PPARG: variants seen among roughly 807,000 people sequenced by gnomAD.
The protein encoded by PPARG is peroxisome proliferator-activated receptor gamma.
PPARG carries 17 observed loss-of-function variants against 39.2 expected under a neutral mutation model. That is an observed-to-expected ratio of 0.43 (90% confidence interval 0.30 to 0.65). The LOEUF (loss-of-function observed/expected upper bound fraction) is 0.65, where lower values mean the gene tolerates loss of function less well. Among genes scored for constraint, PPARG ranks in the 30% least tolerant of loss-of-function variants. The pLI is 0.13. For synonymous variants in PPARG, 223 were observed against 215.7 expected (o/e 1.03, Z -0.30); for missense variants, 406 against 585.9 (o/e 0.69, Z 3.17).
In PPARG at chr3:12,379,795, C is replaced by T; in HGVS notation, c.84C>T (p.His28=). ...VDLSVMEDHS[H]SFDIKPFTTV... ...TCTCCGTAATGGAAGACCACTCCCA[C>T]TCCTTTGATATCAAGCCCTTCACTA... Residue 28 remains histidine (H), a synonymous_variant, in exon 3 of 8, where the codon CAC becomes CAT. Transcript: ENST00000651735. 6.2e-7 allele frequency: 1 copy of T among 1,614,038 alleles called. No homozygotes were observed. Among genetic ancestry groups the T allele is most frequent in the Non-Finnish European group, 8.5e-7 (1 of 1,179,936 alleles).
intron 4 of PPARG, among the ~76,000 whole-genome samples, chr3:12,383,732 T>G (rs1356916302): frequency 6.6e-6 from 1 of 152,100 alleles, no homozygotes; most frequent in Non-Finnish European, 1.5e-5. Context: ...AAGCTAACAT[T>G]ACTGAAAACA....
chr3:12,297,276 T>G (rs2046810732), intron 1 of PPARG, among the ~76,000 whole-genome samples: 1 of 152,168 alleles, frequency 6.6e-6, no homozygotes, highest in African/African-American at 2.4e-5. Context: ...ATAAAAAATG[T>G]GTGTGAACTA....
At chr3:12,414,856 C>G (rs1295894485) in intron 6 of PPARG, among the ~76,000 whole-genome samples, 2 of 152,130 alleles carry the variant, frequency 1.3e-5, no homozygotes, top group African/African-American at 4.8e-5. Context: ...CTAAGTAGTA[C>G]AGTTGAAGTG....
intron 7 of PPARG, among the ~76,000 whole-genome samples, chr3:12,426,660 A>G (rs2051459019): frequency 6.6e-6 from 1 of 152,208 alleles, no homozygotes; most frequent in South Asian, 2.1e-4. Context: ...AGAGGAAAAG[A>G]AAGGTAAGAA....
At chr3:12,395,705 G>A (rs2050233732) in intron 5 of PPARG, among the ~76,000 whole-genome samples, 1 of 152,134 alleles carries the variant, frequency 6.6e-6, no homozygotes, top group African/African-American at 2.4e-5. Flanking sequence ...ATAAACACAC[G>A]TTCTTAATTA....
At chr3:12,338,742 A>G (rs994214389) in intron 2 of PPARG, among the ~76,000 whole-genome samples, 2 of 152,208 alleles carry the variant, frequency 1.3e-5, no homozygotes, top group Middle Eastern at 3.4e-3. Context: ...ATTCCTTTCT[A>G]CAGTATTACT....
intron 5 of PPARG, among the ~76,000 whole-genome samples, chr3:12,393,190 ATTTTTTTTTTTTTT>A (rs143287325): frequency 9.0e-6 from 1 of 111,542 alleles, no homozygotes; most frequent in African/African-American, 3.5e-5. Context: ...GATTCATTTA[ATTTTTTTTTTTTTT>A]TTTTTTTTTT....
intron 2 of PPARG, among the ~76,000 whole-genome samples, chr3:12,320,208 G>A (rs1166665586): frequency 1.3e-5 from 2 of 152,134 alleles, no homozygotes; most frequent in African/African-American, 2.4e-5. Context: ...GGACATTTAT[G>A]TATATATACG....
intron 5 of PPARG, among the ~76,000 whole-genome samples, chr3:12,403,090 C>T (rs1196273403): frequency 2.6e-5 from 4 of 151,976 alleles, no homozygotes; most frequent in African/African-American, 7.2e-5. Context: ...CCCAGGAGTT[C>T]GAGACCAGCC....
intron 7 of PPARG, among the ~76,000 whole-genome samples, chr3:12,432,810 A>G (rs2051705912): frequency 6.6e-6 from 1 of 152,236 alleles, no homozygotes; most frequent in Non-Finnish European, 1.5e-5. Context: ...TACTAAAATC[A>G]ATTAGTTTTC....
intron 2 of PPARG, among the ~76,000 whole-genome samples, chr3:12,360,391 C>T (rs2048804699): frequency 6.6e-6 from 1 of 152,070 alleles, no homozygotes; most frequent in South Asian, 2.1e-4. Context: ...TTTAACACAA[C>T]TGGAAGAGTT....
At chr3:12,378,413 G>A (rs575626682) in intron 2 of PPARG, among the ~76,000 whole-genome samples, 49 of 152,020 alleles carry the variant, frequency 3.2e-4, no homozygotes, top group African/African-American at 1.0e-3. Flanking sequence ...GTATATATCT[G>A]TATATATATA....
chr3:12,287,944 A>G (rs2124908336), upstream of PPARG: 2 of 145,534 alleles, frequency 1.4e-5, no homozygotes, highest in East Asian at 2.1e-4. Context: ...CCCGAGCCCG[A>G]GCCGCAGCCG....
At chr3:12,403,163 C>T (rs2050536758) in intron 5 of PPARG, among the ~76,000 whole-genome samples, 1 of 151,506 alleles carries the variant, frequency 6.6e-6, no homozygotes, top group Non-Finnish European at 1.5e-5. Flanking sequence ...CGTGGTGGCA[C>T]ACACCTGTAG....
intron 2 of PPARG, among the ~76,000 whole-genome samples, chr3:12,313,053 G>T (rs906995349): frequency 2.0e-5 from 3 of 152,130 alleles, no homozygotes; most frequent in African/African-American, 7.2e-5. Context: ...TAACTATAGG[G>T]TTCCAAGACA....
chr3:12,352,452 C>A (rs564871689), intron 2 of PPARG, among the ~76,000 whole-genome samples: 2 of 152,166 alleles, frequency 1.3e-5, no homozygotes, highest in Non-Finnish European at 2.9e-5. Flanking sequence ...ATAAGTTCTC[C>A]ATTTCTATAG....
intron 7 of PPARG, among the ~76,000 whole-genome samples, chr3:12,427,954 T>G (rs948080131): frequency 6.6e-6 from 1 of 152,198 alleles, no homozygotes; most frequent in Non-Finnish European, 1.5e-5. Flanking sequence ...ACAGTCGGTT[T>G]CAGATTAGTC....
chr3:12,321,120 G>A (rs2047529104), intron 2 of PPARG, among the ~76,000 whole-genome samples: 2 of 152,182 alleles, frequency 1.3e-5, no homozygotes, highest in Admixed American at 1.3e-4. Flanking sequence ...AGGAAAAGCT[G>A]ACTTTATGCT....
intron 4 of PPARG, among the ~76,000 whole-genome samples, chr3:12,386,702 C>G (rs1218162429): frequency 6.6e-6 from 1 of 151,970 alleles, no homozygotes; most frequent in African/African-American, 2.4e-5. Context: ...AAACCATAAC[C>G]TTGAGGTTAT....
Sources: allele counts gnomAD v4.1 joint callset (sites outside exome capture counted in the v4.1 genomes callset), GRCh38; gene constraint gnomAD v4.1.1; transcripts MANE v1.5; gene names NCBI Gene and HGNC (gene_info 2026-07-23, HGNC 2026-07-21).